Variants in SRGAP1 observed in about 807,000 individuals in gnomAD.
The protein encoded by SRGAP1 is SLIT-ROBO Rho GTPase activating protein 1.
SRGAP1 carries 43 observed loss-of-function variants against 121.9 expected under a neutral mutation model. The ratio of observed to expected loss-of-function variants is 0.35; its 90% CI spans 0.28 to 0.46. The LOEUF is 0.46. Ranked by LOEUF, SRGAP1 falls within the 20% of genes least tolerant of loss-of-function variation. The probability of loss-of-function intolerance (pLI) is 1.00; values close to 1 mark genes in which losing one functional copy is unlikely to be tolerated. For missense variants in SRGAP1, 1,102 were observed against 1,350.9 expected (o/e 0.82, Z 2.89); for synonymous variants, 447 against 485.4 (o/e 0.92, Z 1.04).
At chr12:63,943,862 A>G (rs1027753565) in intron 1 of SRGAP1, among the ~76,000 whole-genome samples, 13 of 152,238 alleles carry the variant, frequency 8.5e-5, no homozygotes, top group African/African-American at 2.9e-4. Context: ...GAGAAAGCCT[A>G]TGAAAGGTAT....
intron 10 of SRGAP1, among the ~76,000 whole-genome samples, chr12:64,085,413 G>A (rs533649663): frequency 6.6e-6 from 1 of 152,190 alleles, no homozygotes; most frequent in African/African-American, 2.4e-5. Flanking sequence ...TACAACACAA[G>A]CCAGACAGTT....
chr12:63,961,499 A>T (rs1368758124), intron 1 of SRGAP1, among the ~76,000 whole-genome samples: 1 of 152,184 alleles, frequency 6.6e-6, no homozygotes, highest in Non-Finnish European at 1.5e-5. Flanking sequence ...CAGATCGTAT[A>T]TGTAGAGCAT....
intron 1 of SRGAP1, among the ~76,000 whole-genome samples, chr12:63,890,275 G>A (rs1054484429): frequency 6.6e-6 from 1 of 152,210 alleles, no homozygotes; most frequent in Non-Finnish European, 1.5e-5. Context: ...AGAAACAAGT[G>A]TAGCTGGAGA....
intron 1 of SRGAP1, among the ~76,000 whole-genome samples, chr12:63,903,711 T>G (rs2030054221): frequency 6.6e-6 from 1 of 152,166 alleles, no homozygotes; most frequent in Non-Finnish European, 1.5e-5. Flanking sequence ...CTTGGCTTAC[T>G]GCAGCCTCCG....
At position 64,110,778 on chromosome 12, in the gene SRGAP1, T is replaced by C. The variant is rs554748459; in HGVS notation, c.1920-984T>C. 6.6e-5 allele frequency among the ~76,000 whole-genome samples: 10 copies of C among 152,310 alleles called. No individual in the cohort carries two copies. The South Asian group carries it at 2.1e-3, about 32-fold the overall frequency. On this transcript the variant is annotated intron_variant, in intron 16 of 21. Transcript: ENST00000355086. ...AGAAATGGCAGAAGGGAAAGACATA[T>C]GTTAGCTATGGAAATTATGCTTTTG...
intron 6 of SRGAP1, among the ~76,000 whole-genome samples, chr12:64,046,385 G>C (rs1207529352): frequency 6.6e-6 from 1 of 152,160 alleles, no homozygotes; most frequent in Admixed American, 6.6e-5. Context: ...GTGAGAAATA[G>C]ACTAAAGGAG....
In SRGAP1 at chr12:64,147,074, T is replaced by C. The variant is rs1482481411; in HGVS notation, c.*4402T>C. ...CCTTAGAGCATTCATCCAAGTTCAG[T>C]GTGTAGTGTGATGGTTATTATAGAT... On this transcript the variant is annotated 3_prime_UTR_variant, in exon 22 of 22. Transcript: ENST00000355086. 6.3e-6 allele frequency: 1 copy of C among 158,638 alleles called. No individual in the cohort carries two copies. The highest frequency in any genetic ancestry group is 2.4e-5 in the African/African-American group (1 of 41,624). The allele number at this position is 158,638 out of a possible 1,614,324, so 9.8% of individuals were successfully genotyped here. A position where few individuals can be genotyped will look rare whatever the true frequency, so the allele number is the denominator to read the frequency against.
chr12:64,103,097 A>G (rs1565682145), intron 15 of SRGAP1, among the ~76,000 whole-genome samples: 1 of 152,134 alleles, frequency 6.6e-6, no homozygotes. Context: ...CTCCCCCCTC[A>G]GCCTCCCAAG....
In SRGAP1 at chr12:64,149,247, C is replaced by T. The variant is rs1174590747; in HGVS notation, c.*6575C>T. The T allele has an allele frequency of 6.6e-6, 1 of 152,170 alleles. No homozygotes were observed. Among genetic ancestry groups the T allele is most frequent in the African/African-American group, 2.4e-5 (1 of 41,426 alleles). The allele number at this position is 152,170 out of a possible 1,614,324, so 9.4% of individuals were successfully genotyped here. On this transcript the variant is annotated 3_prime_UTR_variant, in exon 22 of 22. Transcript: ENST00000355086. ...TTGAACTAACCTGTTGACCGGAAGG[C>T]CTACTCAAAGGCAAGGATACTTTTC... is the stretch of plus-strand genomic sequence containing the variant.
At chr12:63,852,881 C>T (rs1404881643) in intron 1 of SRGAP1, among the ~76,000 whole-genome samples, 1 of 151,968 alleles carries the variant, frequency 6.6e-6, no homozygotes, top group African/African-American at 2.4e-5. Flanking sequence ...GTGCATCTCC[C>T]ACACGCTTTA....
chr12:64,090,391 A>G (rs543549770), intron 11 of SRGAP1, among the ~76,000 whole-genome samples: 2 of 152,366 alleles, frequency 1.3e-5, no homozygotes, highest in African/African-American at 4.8e-5. Flanking sequence ...GTTCTAAAGA[A>G]ATAATAACTC....
intron 18 of SRGAP1, among the ~76,000 whole-genome samples, chr12:64,123,671 T>G (rs549544268): frequency 0.021 from 3,118 of 150,542 alleles, 131 homozygotes; most frequent in African/African-American, 0.071. Context: ...TTTATTTATT[T>G]ATTTATTTAT....
rs1306061577 is a variant in SRGAP1 at position 63,868,063 on chromosome 12, T to A, written c.67+23180T>A. On this transcript the variant is annotated intron_variant, in intron 1 of 21. Coordinates refer to ENST00000355086, the MANE Select transcript of SRGAP1 (RefSeq NM_020762.4). ...ATATATATATATATATATATTTTTT[T>A]TTTTTTTTTTTTTTTGTTTTTTTTT... 2.8e-3 allele frequency among the ~76,000 whole-genome samples: 271 copies of A among 96,556 alleles called. 2 individuals carry two copies. Among genetic ancestry groups the A allele is most frequent in the African/African-American group, 8.5e-3 (187 of 21,982 alleles). 63.3% of individuals were successfully genotyped at this position (96,556 alleles called of 152,430 possible).
At chr12:64,002,903 T>C (rs915949951) in intron 3 of SRGAP1, among the ~76,000 whole-genome samples, 3 of 151,914 alleles carry the variant, frequency 2.0e-5, no homozygotes, top group Admixed American at 6.6e-5. Flanking sequence ...TTACTCAGCA[T>C]ACAAAGAACC....
rs3067620 is a variant in SRGAP1, at chr12:63,956,720, C to CTTTTTTT, written c.68-27213_68-27207dup. Among the ~76,000 whole-genome samples, 28 of 96,964 alleles carry CTTTTTTT rather than the reference C, an allele frequency of 2.9e-4. 2 individuals carry two copies. The highest frequency in any genetic ancestry group is 1.0e-3 in the African/African-American group (25 of 24,154). 63.6% of individuals were successfully genotyped at this position (96,964 alleles called of 152,430 possible). On this transcript the variant is annotated intron_variant, in intron 1 of 21. Coordinates refer to ENST00000355086, the MANE Select transcript of SRGAP1 (RefSeq NM_020762.4). ...GCTTGTTGATGATCAGTAAGCAAGG[C>CTTTTTTT]TTTTTTTTTTTTTTTTTTTTGCAGC... is the stretch of plus-strand genomic sequence containing the variant.
Position 64,128,114 on chromosome 12 carries a change from A to G in SRGAP1, c.2794A>G (p.Ser932Gly). The G allele has an allele frequency of 6.2e-7, 1 of 1,614,178 alleles. No individual in the cohort carries two copies. Among genetic ancestry groups the G allele is most frequent in the Non-Finnish European group, 8.5e-7 (1 of 1,180,038 alleles). Reference sequence around the variant, plus strand: ...GCACGACTCCCTCAAGAAGATCGACAGCCCTCCCATTAGAAGGTCCACGTC... The same window carrying G: ...GCACGACTCCCTCAAGAAGATCGACGGCCCTCCCATTAGAAGGTCCACGTC... ...SRHDSLKKID[S>G]PPIRRSTSSG... Residue 932 changes from serine to glycine, a missense_variant, in exon 21 of 22, where the codon AGC becomes GGC. This residue lies in a region of SRGAP1 where 315 missense variants were observed against 343.1 expected (regional missense o/e 0.92). Coordinates refer to ENST00000355086, the MANE Select transcript of SRGAP1 (RefSeq NM_020762.4).
rs577421259 is a variant in SRGAP1, at chr12:64,135,758, T to C, written c.2881-6537T>C. 3.3e-5 allele frequency among the ~76,000 whole-genome samples: 5 copies of C among 152,310 alleles called. No homozygotes were observed. The South Asian group carries it at 1.0e-3, about 32-fold the overall frequency. On this transcript the variant is annotated intron_variant, in intron 21 of 21. Transcript: ENST00000355086. Reference sequence around the variant, plus strand: ...CAATGAAAGAACTCCATCCTTAATATTCTGTCCCTCTAGAACCACTCCTGG... The same window carrying C: ...CAATGAAAGAACTCCATCCTTAATACTCTGTCCCTCTAGAACCACTCCTGG...
chr12:64,073,450 CCAACAGATTTA>C (rs1259684849), intron 8 of SRGAP1, among the ~76,000 whole-genome samples: 2 of 152,142 alleles, frequency 1.3e-5, no homozygotes, highest in African/African-American at 4.8e-5. Flanking sequence ...TTGCAAAATT[CCAACAGATTTA>C]CAGATTACAG....
Position 64,161,245 on chromosome 12 carries a change from C to T in SRGAP1, c.*18573C>T, listed in dbSNP as rs2037207569. On this transcript the variant is annotated 3_prime_UTR_variant, in exon 22 of 22. Transcript: ENST00000355086. ...TAAAAACATGCTATAGTTTATAAACCTTCTTGGATCTATCAAGGAAGATTT... is the reference window on the plus strand; with the variant it reads ...TAAAAACATGCTATAGTTTATAAACTTTCTTGGATCTATCAAGGAAGATTT... 1 of 152,070 alleles carries T rather than the reference C, an allele frequency of 6.6e-6. No homozygotes were observed. Among genetic ancestry groups the T allele is most frequent in the Non-Finnish European group, 1.5e-5 (1 of 68,008 alleles). 9.4% of individuals were successfully genotyped at this position (152,070 alleles called of 1,614,324 possible).
Sources: allele counts gnomAD v4.1 joint callset (sites outside exome capture counted in the v4.1 genomes callset), GRCh38; gene constraint gnomAD v4.1.1; regional missense constraint gnomAD v4.1.1; transcripts MANE v1.5; gene names NCBI Gene and HGNC (gene_info 2026-07-23, HGNC 2026-07-21).